The following KCNIP1 variants were observed in gnomAD, a reference collection of about 807,000 sequenced individuals.
KCNIP1 encodes A-type potassium channel modulatory protein KCNIP1.
In KCNIP1, 18 loss-of-function variants were observed where a neutral mutation model predicts 33.0. The observed-to-expected ratio is 0.55, with a 90% CI of 0.38 to 0.81. KCNIP1 has a LOEUF of 0.81. Ranked by LOEUF, KCNIP1 falls within the 30% of genes least tolerant of loss-of-function variation. KCNIP1 has a pLI of 0.00. For synonymous variants in KCNIP1, 93 were observed against 98.3 expected, an observed-to-expected ratio of 0.95 and a Z score of 0.32; for missense variants, 238 against 271.6, an observed-to-expected ratio of 0.88 and a Z score of 0.87.
chr5:170,463,815 G>A (rs562036082), intron 1 of KCNIP1, among the ~76,000 whole-genome samples: 1 of 152,228 alleles, frequency 6.6e-6, no homozygotes, highest in South Asian at 2.1e-4. Context: ...GGAAGTTCTA[G>A]CCAGAACAAT....
intron 1 of KCNIP1, among the ~76,000 whole-genome samples, chr5:170,598,484 A>G (rs1758545158): frequency 6.6e-6 from 1 of 152,068 alleles, no homozygotes; most frequent in Admixed American, 6.6e-5. Flanking sequence ...TGGCCAACCC[A>G]TTCTCTGTGT....
At chr5:170,495,275 C>T (rs1757288973) in intron 1 of KCNIP1, among the ~76,000 whole-genome samples, 1 of 152,186 alleles carries the variant, frequency 6.6e-6, no homozygotes, top group African/African-American at 2.4e-5. Flanking sequence ...GGTCACTGTG[C>T]CATTCAGGTC....
chr5:170,570,683 C>T (rs528113488), intron 1 of KCNIP1, among the ~76,000 whole-genome samples: 6 of 152,350 alleles, frequency 3.9e-5, no homozygotes, highest in Admixed American at 1.3e-4. Flanking sequence ...CCGTGCCAGG[C>T]GGCGGGTCAG....
intron 1 of KCNIP1, among the ~76,000 whole-genome samples, chr5:170,381,856 G>A (rs552014113): frequency 4.2e-4 from 64 of 152,320 alleles, no homozygotes; most frequent in African/African-American, 1.4e-3. Flanking sequence ...GAATGCCAAC[G>A]CAGAGGCAGG....
At chr5:170,656,832 T>A (rs113374640) in intron 1 of KCNIP1, among the ~76,000 whole-genome samples, 3,420 of 152,184 alleles carry the variant, frequency 0.022, 60 homozygotes, top group Non-Finnish European at 0.035. Flanking sequence ...ACAGCGCACA[T>A]GGGAGGGAGC....
intron 1 of KCNIP1, among the ~76,000 whole-genome samples, chr5:170,697,541 A>C (rs1762938603): frequency 6.6e-6 from 1 of 152,218 alleles, no homozygotes. Context: ...TGGTGAGTAC[A>C]TGAAATTGAG....
intron 1 of KCNIP1, among the ~76,000 whole-genome samples, chr5:170,696,127 T>C (rs1762884585): frequency 6.6e-6 from 1 of 152,110 alleles, no homozygotes. Context: ...CTTCACCTCG[T>C]AGTGTTCATA....
chr5:170,506,411 A>C (rs1245563416), intron 1 of KCNIP1, among the ~76,000 whole-genome samples: 2 of 152,204 alleles, frequency 1.3e-5, no homozygotes, highest in African/African-American at 4.8e-5. Context: ...CCAGGGACCC[A>C]GAGGAAGTTG....
At chr5:170,546,226 C>A (rs905585513) in intron 1 of KCNIP1, among the ~76,000 whole-genome samples, 6 of 152,200 alleles carry the variant, frequency 3.9e-5, no homozygotes, top group Non-Finnish European at 8.8e-5. Flanking sequence ...TGGCTATCTT[C>A]AAAATCTGGC....
chr5:170,582,014 G>C (rs1052524409), intron 1 of KCNIP1, among the ~76,000 whole-genome samples: 1 of 152,214 alleles, frequency 6.6e-6, no homozygotes, highest in African/African-American at 2.4e-5. Context: ...AGGACTAATA[G>C]AGTGAGAACT....
chr5:170,381,216 G>A (rs563743004), intron 1 of KCNIP1, among the ~76,000 whole-genome samples: 16 of 152,250 alleles, frequency 1.1e-4, no homozygotes, highest in Non-Finnish European at 1.5e-4. Flanking sequence ...CCCAGAAGCC[G>A]GGGCCTGAAT....
chr5:170,681,339 C>A (rs1762337911), intron 1 of KCNIP1: 1 of 383,904 alleles, frequency 2.6e-6, no homozygotes, highest in Admixed American at 4.5e-5. Flanking sequence ...CCTCCCCAGT[C>A]GCGCCCCAGT....
intron 1 of KCNIP1, among the ~76,000 whole-genome samples, chr5:170,557,927 G>A (rs1237971423): frequency 2.6e-5 from 4 of 152,312 alleles, no homozygotes; most frequent in East Asian, 1.9e-4. Context: ...AGCATCTGGC[G>A]CATTGCTGGG....
At chr5:170,493,146 T>A (rs961900252) in intron 1 of KCNIP1, among the ~76,000 whole-genome samples, 1 of 152,176 alleles carries the variant, frequency 6.6e-6, no homozygotes, top group African/African-American at 2.4e-5. Context: ...TTGGTTTCTG[T>A]GGTAGAAAGT....
In KCNIP1 at chr5:170,597,190, C is replaced by T. The variant is rs919489718; in HGVS notation, c.61+92557C>T. 2.6e-5 allele frequency among the ~76,000 whole-genome samples: 4 copies of T among 152,150 alleles called. 1 individual carries two copies. The highest frequency in any genetic ancestry group is 9.7e-5 in the African/African-American group (4 of 41,438). ...CCTAGAAGGAACATTTAGGCCCGCA[C>T]GGTGGGTGGCTGGTTCAATCCAGTT... On this transcript the variant is annotated intron_variant, in intron 1 of 7. Transcript: ENST00000328939.
chr5:170,659,413 T>C lies in KCNIP1; in HGVS notation c.62-59345T>C, dbSNP rs150529939. ...AATACAAGGGAGACTTCAAGAATCT[T>C]GGCCTTTATTATAAATGCAATGTAT... On this transcript the variant is annotated intron_variant, in intron 1 of 7. Coordinates refer to ENST00000328939, the MANE Select transcript of KCNIP1 (RefSeq NM_014592.4). Among the ~76,000 whole-genome samples the C allele has an allele frequency of 2.6e-5, 4 of 152,318 alleles. No homozygotes were observed. The East Asian group carries it at 7.7e-4, about 29-fold the overall frequency.
intron 1 of KCNIP1, among the ~76,000 whole-genome samples, chr5:170,654,538 T>C (rs901052259): frequency 6.6e-6 from 1 of 152,234 alleles, no homozygotes; most frequent in African/African-American, 2.4e-5. Flanking sequence ...TACTCATGAA[T>C]ATTAATGTAT....
chr5:170,562,666 CTGCTGTGCCCACGACA>C (rs1484577459), intron 1 of KCNIP1, among the ~76,000 whole-genome samples: 1 of 152,242 alleles, frequency 6.6e-6, no homozygotes, highest in East Asian at 1.9e-4. Flanking sequence ...AGTCCCTGAG[CTGCTGTGCCCACGACA>C]TGCTCCATTT....
intron 1 of KCNIP1, among the ~76,000 whole-genome samples, chr5:170,413,377 A>G (rs1297121297): frequency 6.6e-6 from 1 of 152,172 alleles, no homozygotes; most frequent in African/African-American, 2.4e-5. Flanking sequence ...CTTTCTAAAC[A>G]TAGCTACACA....
Sources: allele counts gnomAD v4.1 joint callset (sites outside exome capture counted in the v4.1 genomes callset), GRCh38; gene constraint gnomAD v4.1.1; transcripts MANE v1.5; gene names NCBI Gene and HGNC (gene_info 2026-07-23, HGNC 2026-07-21).